Variants in SPIRE2 observed in about 807,000 individuals in gnomAD.
SPIRE2 encodes spire type actin nucleation factor 2.
SPIRE2 carries 76 observed loss-of-function variants against 80.7 expected under a neutral mutation model. That is an observed-to-expected ratio of 0.94 (90% CI 0.78 to 1.14). SPIRE2 has a LOEUF of 1.14. Ranked by LOEUF, SPIRE2 falls within the 50% of genes most tolerant of loss-of-function variation. SPIRE2 has a pLI of 0.00. For synonymous variants in SPIRE2, 535 were observed against 432.6 expected (o/e 1.24, Z -2.94); for missense variants, 1,196 against 1,015.3 (o/e 1.18, Z -2.42).
Position 89,828,507 on chromosome 16 carries a change from C to T in SPIRE2, c.-44C>T. 1 of 1,013,588 alleles carries T rather than the reference C, an allele frequency of 9.9e-7. No homozygotes were observed. The highest frequency in any genetic ancestry group is 1.2e-6 in the Non-Finnish European group (1 of 850,186). The allele number at this position is 1,013,588 out of a possible 1,614,324, so 62.8% of individuals were successfully genotyped here. ...CCCTGCGCGGCGGAAGGCGCGGCTGCATGGACGCGGGTCCGGCGCGCGGGA... is the reference window on the plus strand; with the variant it reads ...CCCTGCGCGGCGGAAGGCGCGGCTGTATGGACGCGGGTCCGGCGCGCGGGA... On this transcript the variant is annotated 5_prime_UTR_variant, in exon 1 of 15. Transcript: ENST00000378247. The surrounding 1 kb of genome is among the most constrained non-coding windows in gnomAD (Gnocchi z 5.9).
At position 89,870,182 on chromosome 16, in the gene SPIRE2, G is replaced by A. The variant is rs139761732; in HGVS notation, c.2055G>A (p.Lys685=). ...CAGACGTGGTGCGTTCCAGCCGCAA[G>A]AGCGTGGACGTCCTCAACACTACGC... ...FVADVVRSSR[K]SVDVLNTTPR... Residue 685 remains lysine, a synonymous_variant, in exon 15 of 15, where the codon AAG becomes AAA. Transcript: ENST00000378247. The A allele has an allele frequency of 2.9e-5, 47 of 1,610,522 alleles. No individual in the cohort carries two copies. The Admixed American group carries it at 5.2e-4, about 18-fold the overall frequency.
At chr16:89,845,691 G>A in intron 2 of SPIRE2, 1 of 672,078 alleles carries the variant, frequency 1.5e-6, no homozygotes, top group East Asian at 2.7e-5. Context: ...GCCGGGGTCA[G>A]GGAGACGACT....
Position 89,850,450 on chromosome 16 carries a change from C to A in SPIRE2, c.435C>A (p.Ala145=). The part of the protein sequence containing the change: ...NDSEDSGCGA[A]DEGYGGPEEE... ...GCGAGGACAGCGGCTGCGGTGCCGC[C>A]GATGAGGGCTACGGGGGTCCCGAGG... The change falls in exon 3 of 15, where the codon GCC becomes GCA. Residue 145 remains alanine, a synonymous_variant. Transcript: ENST00000378247. 1 of 1,569,624 alleles carries A rather than the reference C, an allele frequency of 6.4e-7. No individual in the cohort carries two copies. Among genetic ancestry groups the A allele is most frequent in the Non-Finnish European group, 8.6e-7 (1 of 1,159,532 alleles).
chr16:89,856,484 G>A (rs1386742307), intron 7 of SPIRE2, among the ~76,000 whole-genome samples: 7 of 151,748 alleles, frequency 4.6e-5, no homozygotes, highest in South Asian at 2.1e-4. Context: ...TTGCTCTGTC[G>A]CCCAGGATGG....
intron 1 of SPIRE2, among the ~76,000 whole-genome samples, chr16:89,841,629 C>T (rs1351850358): frequency 6.6e-6 from 1 of 152,174 alleles, no homozygotes; most frequent in African/African-American, 2.4e-5. Context: ...CCTCGATTTC[C>T]TCATCTGTAA....
At chr16:89,855,467 C>G (rs1440410585) in intron 5 of SPIRE2, 133 bp from the exon 6 acceptor site, 1 of 712,774 alleles carries the variant, frequency 1.4e-6, no homozygotes, top group Admixed American at 2.4e-5. Flanking sequence ...GCAGCTGGGT[C>G]CCTGCGAGCA....
rs1484196573 is a variant in SPIRE2 at position 89,869,668 on chromosome 16, A to T, written c.1908A>T (p.Arg636Ser). 2 of 1,613,676 alleles carry T rather than the reference A, an allele frequency of 1.2e-6. No homozygotes were observed. Among genetic ancestry groups the T allele is most frequent in the Non-Finnish European group, 1.7e-6 (2 of 1,179,688 alleles). The change falls in exon 14 of 15, where the codon AGA becomes AGT. Residue 636 changes from arginine (R) to serine (S), a missense_variant. Coordinates refer to ENST00000378247, the MANE Select transcript of SPIRE2 (RefSeq NM_032451.2). ...VSAAKTAPIQ[R>S]RDIFQSLQGP... The stretch of plus-strand genomic sequence containing the variant: ...CTGCCAAAACCGCGCCAATCCAGAG[A>T]AGAGACATCTTTCAGTGCGTTCTTC...
intron 12 of SPIRE2, among the ~76,000 whole-genome samples, chr16:89,864,600 G>A (rs1481634222): frequency 6.6e-6 from 1 of 152,238 alleles, no homozygotes; most frequent in Non-Finnish European, 1.5e-5. Context: ...GGGCAGGAAT[G>A]AGTAACATCG....
At chr16:89,860,624 A>G in intron 9 of SPIRE2, 59 bp from the exon 10 acceptor site, 1 of 1,186,538 alleles carries the variant, frequency 8.4e-7, no homozygotes, top group South Asian at 1.3e-5. Context: ...CCCTGGGCAC[A>G]GTCCTCTTTA....
chr16:89,850,401 T>G lies in SPIRE2; in HGVS notation c.386T>G (p.Ile129Ser). 3.1e-6 allele frequency: 5 copies of G among 1,596,272 alleles called. No individual in the cohort carries two copies. Among genetic ancestry groups the G allele is most frequent in the Non-Finnish European group, 4.3e-6 (5 of 1,173,018 alleles). The change falls in exon 3 of 15, where the codon ATC (isoleucine) becomes AGC (serine). Residue 129 changes from isoleucine (I) to serine (S), a missense_variant. Ile to Ser is a moderately radical substitution (Grantham distance 142, BLOSUM62 -2). Transcript: ENST00000378247. The part of the protein sequence containing the change: ...RELSPQLERL[I>S]DLMANNDSED... ...CTCAGCCCTCAGCTGGAGCGGCTCA[T>G]CGACCTCATGGCCAACAACGACAGC...
chr16:89,836,375 G>A lies in SPIRE2; in HGVS notation c.244+7581G>A, dbSNP rs142237327. ...TTCTGCCGACTGCAGCGGACCGGGG[G>A]CCGAGAATCTGAGGGAGTGCCCACA... On this transcript the variant is annotated intron_variant, in intron 1 of 14. Transcript: ENST00000378247. 1.1e-3 allele frequency: 449 copies of A among 394,054 alleles called. 5 individuals carry two copies. The highest frequency in any genetic ancestry group is 8.7e-3 in the African/African-American group (417 of 47,994). 24.4% of individuals were successfully genotyped at this position (394,054 alleles called of 1,614,324 possible). A position where few individuals can be genotyped will look rare whatever the true frequency, so the allele number is the denominator to read the frequency against.
intron 2 of SPIRE2, chr16:89,845,595 G>C: frequency 1.4e-6 from 1 of 702,708 alleles, no homozygotes; most frequent in Non-Finnish European, 2.6e-6. Context: ...TTCCGGCCTG[G>C]AGGAGGCAGT....
chr16:89,859,772 C>T (rs1022621710), intron 9 of SPIRE2, among the ~76,000 whole-genome samples: 3 of 152,136 alleles, frequency 2.0e-5, no homozygotes, highest in African/African-American at 7.2e-5. Context: ...TTTCGCGCTG[C>T]TGAGCACAGA....
chr16:89,828,490 G>C lies in SPIRE2; in HGVS notation c.-61G>C. On this transcript the variant is annotated 5_prime_UTR_variant, in exon 1 of 15. Transcript: ENST00000378247. This position sits in a 1 kb window ranked among gnomAD's most constrained non-coding sequence, Gnocchi z 5.9. The stretch of plus-strand genomic sequence containing the variant: ...CGGGGCGGCCAGGCTGACCCTGCGC[G>C]GCGGAAGGCGCGGCTGCATGGACGC... 1 of 991,178 alleles carries C rather than the reference G, an allele frequency of 1.0e-6. No homozygotes were observed. The highest frequency in any genetic ancestry group is 1.2e-6 in the Non-Finnish European group (1 of 835,002). The allele number at this position is 991,178 out of a possible 1,614,324, so 61.4% of individuals were successfully genotyped here. A position where few individuals can be genotyped will look rare whatever the true frequency, so the allele number is the denominator to read the frequency against.
In SPIRE2 at chr16:89,863,134, T is replaced by G; in HGVS notation, c.1576-342T>G. The stretch of plus-strand genomic sequence containing the variant: ...ACATCAGCTGCTCAGGGAGGGAAGG[T>G]TTGAGATGGATTCTGGCTGGTGTGG... On this transcript the variant is annotated intron_variant, in intron 10 of 14. Transcript: ENST00000378247. This position sits in a 1 kb window ranked among gnomAD's most constrained non-coding sequence, Gnocchi z 4.3. The G allele has an allele frequency of 6.4e-6, 2 of 311,358 alleles. No individual in the cohort carries two copies. The highest frequency in any genetic ancestry group is 3.7e-5 in the South Asian group (1 of 27,276). 19.3% of individuals were successfully genotyped at this position (311,358 alleles called of 1,614,324 possible). A position where few individuals can be genotyped will look rare whatever the true frequency, so the allele number is the denominator to read the frequency against.
chr16:89,835,592 G>C (rs911331419), intron 1 of SPIRE2, among the ~76,000 whole-genome samples: 3 of 152,162 alleles, frequency 2.0e-5, no homozygotes, highest in African/African-American at 7.2e-5. Flanking sequence ...ACATATCAGT[G>C]GGTCTCAGTG....
At chr16:89,868,386 T>C (rs975864841) in intron 13 of SPIRE2, among the ~76,000 whole-genome samples, 170 bp downstream of exon 13, 1 of 152,220 alleles carries the variant, frequency 6.6e-6, no homozygotes, top group Non-Finnish European at 1.5e-5. Context: ...TAAAGACCCT[T>C]ACAGGTTTTT....
Position 89,854,280 on chromosome 16 carries a change from T to C in SPIRE2, c.646-6T>C. On this transcript the variant is annotated splice_polypyrimidine_tract_variant and splice_region_variant and intron_variant, in intron 3 of 14. Transcript: ENST00000378247. ...CCCCTGGACTGACGAGCACGTGTGG[T>C]CACAGATGCTGCAGAAGCTTCGGGA... 6.2e-7 allele frequency: 1 copy of C among 1,611,568 alleles called. No homozygotes were observed. Among genetic ancestry groups the C allele is most frequent in the Non-Finnish European group, 8.5e-7 (1 of 1,179,382 alleles).
chr16:89,831,976 G>T lies in SPIRE2; in HGVS notation c.244+3182G>T, dbSNP rs991633286. Among the ~76,000 whole-genome samples the T allele has an allele frequency of 1.4e-5, 2 of 139,182 alleles. 1 individual carries two copies. The highest frequency in any genetic ancestry group is 3.4e-5 in the Non-Finnish European group (2 of 58,580). 91.3% of individuals were successfully genotyped at this position (139,182 alleles called of 152,430 possible). ...AGTGATCTAGGCAGCACGGGGCACC[G>T]TGTCCACGTCCAGAGCTCTGCAGAG... On this transcript the variant is annotated intron_variant, in intron 1 of 14. Coordinates refer to ENST00000378247, the MANE Select transcript of SPIRE2 (RefSeq NM_032451.2).
Sources: gnomAD v4.1 joint callset for allele counts (sites outside exome capture counted in the v4.1 genomes callset) on GRCh38, gnomAD v4.1.1 for gene constraint, Gnocchi (gnomAD v3.1) non-coding constraint, MANE v1.5 for transcripts, NCBI Gene and HGNC (gene_info 2026-07-23, HGNC 2026-07-21) for gene names.